The following ATXN10 variants were observed in gnomAD, a reference collection of about 807,000 sequenced individuals.
The protein encoded by ATXN10 is ataxin 10.
In ATXN10, 28 loss-of-function variants were observed where a neutral mutation model predicts 52.9. That is an observed-to-expected ratio of 0.53 (90% CI 0.39 to 0.73). The LOEUF (loss-of-function observed/expected upper bound fraction) is 0.73. ATXN10 is among the 30% of genes least tolerant of loss of function. The pLI, the probability that ATXN10 is intolerant of heterozygous loss-of-function variation, is 0.00. For missense variants in ATXN10, 565 were observed against 577.0 expected, an observed-to-expected ratio of 0.98 and a Z score of 0.21; for synonymous variants, 226 against 221.5, an observed-to-expected ratio of 1.02 and a Z score of -0.18.
At position 45,766,057 on chromosome 22, in the gene ATXN10, C is replaced by T. The variant is rs1489675534; in HGVS notation, c.1173+25519C>T. Among the ~76,000 whole-genome samples the T allele has an allele frequency of 6.6e-6, 1 of 152,118 alleles. No homozygotes were observed. The highest frequency in any genetic ancestry group is 1.5e-5 in the Non-Finnish European group (1 of 68,022). On this transcript the variant is annotated intron_variant, in intron 9 of 11. Transcript: ENST00000252934. The surrounding 1 kb of genome is among the most constrained non-coding windows in gnomAD (Gnocchi z 4.6). ...GCTAATGGGGCACAGTAGAAAAATGCAGAAATAGATTCAAATGTTTTTGGA... is the reference window on the plus strand; with the variant it reads ...GCTAATGGGGCACAGTAGAAAAATGTAGAAATAGATTCAAATGTTTTTGGA...
chr22:45,788,648 G>A (rs1307198243), intron 9 of ATXN10, among the ~76,000 whole-genome samples: 1 of 151,740 alleles, frequency 6.6e-6, no homozygotes, highest in African/African-American at 2.4e-5. Flanking sequence ...GAGTCACCTA[G>A]GGAGCTTTTA....
At chr22:45,812,015 C>A (rs544624792) in intron 10 of ATXN10, among the ~76,000 whole-genome samples, 4 of 152,310 alleles carry the variant, frequency 2.6e-5, no homozygotes, top group Non-Finnish European at 5.9e-5. Flanking sequence ...CTTCAGCATT[C>A]CCCAGGCACA....
In ATXN10 at chr22:45,845,277, A is replaced by C. The variant is rs950514865; in HGVS notation, c.*1606A>C. The C allele has an allele frequency of 2.6e-5, 4 of 152,220 alleles. No individual in the cohort carries two copies. The highest frequency in any genetic ancestry group is 4.4e-5 in the Non-Finnish European group (3 of 68,048). 9.4% of individuals were successfully genotyped at this position (152,220 alleles called of 1,614,324 possible). Reference sequence around the variant, plus strand: ...TATGAGCTATATAATAACAAACACAAATAAATAAAAGGGAGCCTTGTGAGA... The same window carrying C: ...TATGAGCTATATAATAACAAACACACATAAATAAAAGGGAGCCTTGTGAGA... On this transcript the variant is annotated 3_prime_UTR_variant, in exon 12 of 12. Coordinates refer to ENST00000252934, the MANE Select transcript of ATXN10 (RefSeq NM_013236.4). This position sits in a 1 kb window ranked among gnomAD's most constrained non-coding sequence, Gnocchi z 4.7.
At position 45,733,309 on chromosome 22, in the gene ATXN10, C is replaced by T. The variant is rs889923022; in HGVS notation, c.894+3719C>T. ...GTATTACATATTTAATTACATAATA[C>T]ATATTTAATACATATTCTACAATAA... is the stretch of plus-strand genomic sequence containing the variant. On this transcript the variant is annotated intron_variant, in intron 7 of 11. Coordinates refer to ENST00000252934, the MANE Select transcript of ATXN10 (RefSeq NM_013236.4). The surrounding 1 kb of genome is among the most constrained non-coding windows in gnomAD (Gnocchi z 4.4). 1.3e-5 allele frequency among the ~76,000 whole-genome samples: 2 copies of T among 152,140 alleles called. No individual in the cohort carries two copies. The highest frequency in any genetic ancestry group is 4.8e-5 in the African/African-American group (2 of 41,428).
chr22:45,809,591 C>G (rs139627752), intron 10 of ATXN10, among the ~76,000 whole-genome samples: 21 of 152,296 alleles, frequency 1.4e-4, no homozygotes, highest in African/African-American at 4.8e-4. Context: ...CTCCTCCCCT[C>G]CCTCCCTTGT....
intron 9 of ATXN10, among the ~76,000 whole-genome samples, chr22:45,799,542 C>T (rs1927864963): frequency 1.3e-5 from 2 of 152,086 alleles, no homozygotes; most frequent in Non-Finnish European, 2.9e-5. Flanking sequence ...AGACAGAGAT[C>T]TAAAAACCAA....
chr22:45,793,042 A>G (rs1927571090), intron 9 of ATXN10: 2 of 288,212 alleles, frequency 6.9e-6, no homozygotes, highest in Non-Finnish European at 1.4e-5. Flanking sequence ...CAGGCTCTGC[A>G]GTTGCTTCTC....
intron 7 of ATXN10, among the ~76,000 whole-genome samples, chr22:45,737,077 A>G (rs1367765937): frequency 6.6e-6 from 1 of 152,234 alleles, no homozygotes; most frequent in Non-Finnish European, 1.5e-5. Context: ...TCATTCAAAG[A>G]TGACCAGTGA....
rs1444278780 is a variant in ATXN10 at position 45,715,113 on chromosome 22, C to T, written c.648-3300C>T. ...TGTCTCAGTTCTACTATTTTAAGTC[C>T]TTGAGGATTTTATGAACATATTGAT... is the stretch of plus-strand genomic sequence containing the variant. On this transcript the variant is annotated intron_variant, in intron 5 of 11. Coordinates refer to ENST00000252934, the MANE Select transcript of ATXN10 (RefSeq NM_013236.4). The surrounding 1 kb of genome is among the most constrained non-coding windows in gnomAD (Gnocchi z 4.4). Among the ~76,000 whole-genome samples the T allele has an allele frequency of 6.6e-6, 1 of 152,146 alleles. No homozygotes were observed. The highest frequency in any genetic ancestry group is 1.5e-5 in the Non-Finnish European group (1 of 68,030).
chr22:45,716,047 G>C (rs1378810722), intron 5 of ATXN10, among the ~76,000 whole-genome samples: 2 of 152,094 alleles, frequency 1.3e-5, no homozygotes, highest in Non-Finnish European at 2.9e-5. Context: ...ATAGCTTGAG[G>C]CCAGGAGTTC....
chr22:45,691,244 G>A (rs1332132617), intron 2 of ATXN10, among the ~76,000 whole-genome samples: 2 of 152,196 alleles, frequency 1.3e-5, no homozygotes. Flanking sequence ...GTGCTCTAGT[G>A]TGATGGGGAA....
chr22:45,692,781 CAAAG>C (rs1471973417), intron 2 of ATXN10, among the ~76,000 whole-genome samples: 3 of 152,258 alleles, frequency 2.0e-5, no homozygotes, highest in African/African-American at 7.2e-5. Context: ...AGGAAGTACT[CAAAG>C]AAAGCTGTTG....
rs149603267 is a variant in ATXN10 at position 45,793,363 on chromosome 22, T to TA, written c.1174-13596_1174-13595insA. 1,850 of 234,162 alleles carry TA rather than the reference T, an allele frequency of 7.9e-3. 43 individuals carry two copies. Among genetic ancestry groups the TA allele is most frequent in the African/African-American group, 0.039 (1,740 of 44,314 alleles). The allele number at this position is 234,162 out of a possible 1,614,324, so 14.5% of individuals were successfully genotyped here. On this transcript the variant is annotated intron_variant, in intron 9 of 11. Coordinates refer to ENST00000252934, the MANE Select transcript of ATXN10 (RefSeq NM_013236.4). The stretch of plus-strand genomic sequence containing the variant: ...CTTCACGAAGCCTGGCAGTAATTGT[T>TA]CTGTGCTTTTCTGCTGTCCATCATC...
rs929392659 is a variant in ATXN10, at chr22:45,787,866, A to T, written c.1174-19093A>T. ...AAATCTTGTGCAATTTCAGTTACTGATGATCTTTTTCCAGGAACAAAAATA... is the reference window on the plus strand; with the variant it reads ...AAATCTTGTGCAATTTCAGTTACTGTTGATCTTTTTCCAGGAACAAAAATA... On this transcript the variant is annotated intron_variant, in intron 9 of 11. Coordinates refer to ENST00000252934, the MANE Select transcript of ATXN10 (RefSeq NM_013236.4). The surrounding 1 kb of genome is among the most constrained non-coding windows in gnomAD (Gnocchi z 4.2). 1.3e-5 allele frequency among the ~76,000 whole-genome samples: 2 copies of T among 152,226 alleles called. No individual in the cohort carries two copies. The highest frequency in any genetic ancestry group is 2.1e-4 in the South Asian group (1 of 4,828).
chr22:45,779,837 G>A (rs73444664), intron 9 of ATXN10, among the ~76,000 whole-genome samples: 1,731 of 152,010 alleles, frequency 0.011, 37 homozygotes, highest in African/African-American at 0.04. Context: ...AGAATCATTC[G>A]TACTTTATTT....
At chr22:45,755,539 A>G (rs2146822749) in intron 9 of ATXN10, among the ~76,000 whole-genome samples, 1 of 152,190 alleles carries the variant, frequency 6.6e-6, no homozygotes, top group Non-Finnish European at 1.5e-5. Context: ...GGGGTTGGTT[A>G]CTGTCATCAA....
intron 8 of ATXN10, among the ~76,000 whole-genome samples, chr22:45,739,886 T>C (rs1925442553): frequency 6.6e-6 from 1 of 152,164 alleles, no homozygotes; most frequent in Non-Finnish European, 1.5e-5. Flanking sequence ...GAGTGAAGTA[T>C]AGAGAACATA....
chr22:45,818,175 A>G lies in ATXN10; in HGVS notation c.1237+11153A>G, dbSNP rs1248215087. Among the ~76,000 whole-genome samples, 1 of 152,142 alleles carries G rather than the reference A, an allele frequency of 6.6e-6. No individual in the cohort carries two copies. Among genetic ancestry groups the G allele is most frequent in the Admixed American group, 6.5e-5 (1 of 15,278 alleles). On this transcript the variant is annotated intron_variant, in intron 10 of 11. Coordinates refer to ENST00000252934, the MANE Select transcript of ATXN10 (RefSeq NM_013236.4). This position sits in a 1 kb window ranked among gnomAD's most constrained non-coding sequence, Gnocchi z 4.6. The stretch of plus-strand genomic sequence containing the variant: ...GGTTTTGTGCCTCTCATTTTCTTAC[A>G]CCTCCAGAATCACAGAGGCTAGAAG...
chr22:45,752,860 A>G (rs1402870737), intron 9 of ATXN10, among the ~76,000 whole-genome samples: 1 of 151,636 alleles, frequency 6.6e-6, no homozygotes, highest in Non-Finnish European at 1.5e-5. Context: ...CAGCCTCCCG[A>G]GTAGCTGGGA....
Sources: gnomAD v4.1 joint callset for allele counts (sites outside exome capture counted in the v4.1 genomes callset) on GRCh38, gnomAD v4.1.1 for gene constraint, Gnocchi (gnomAD v3.1) non-coding constraint, MANE v1.5 for transcripts, NCBI Gene and HGNC (gene_info 2026-07-23, HGNC 2026-07-21) for gene names.